The following RYR3 variants were observed in gnomAD, a reference collection of about 807,000 sequenced individuals.
The protein encoded by RYR3 is brain ryanodine receptor-calcium release channel.
A neutral mutation model predicts 584.3 loss-of-function variants in RYR3; 207 were observed. The observed-to-expected ratio is 0.35, with a 90% CI of 0.32 to 0.40. RYR3 has a LOEUF of 0.40. Ranked by LOEUF, RYR3 falls within the 10% of genes least tolerant of loss-of-function variation. The pLI is 1.00. For synonymous variants in RYR3, 2,416 were observed against 2,248.5 expected, an observed-to-expected ratio of 1.07 and a Z score of -2.11; for missense variants, 5,616 against 6,089.2, an observed-to-expected ratio of 0.92 and a Z score of 2.59.
chr15:33,465,743 A>AGGT (rs750819353), intron 1 of RYR3: 1 of 519,108 alleles, frequency 1.9e-6, no homozygotes, highest in Non-Finnish European at 3.8e-6. Context: ...TGGCTGAGCT[A>AGGT]GGTGGTGGTG....
chr15:33,504,380 T>C (rs923901382), intron 3 of RYR3, among the ~76,000 whole-genome samples: 2 of 152,306 alleles, frequency 1.3e-5, no homozygotes. Flanking sequence ...ATGGCTCACA[T>C]TCATTTTTAT....
At chr15:33,835,284 G>A (rs1453775722) in intron 87 of RYR3, among the ~76,000 whole-genome samples, 3 of 149,516 alleles carry the variant, frequency 2.0e-5, no homozygotes, top group Admixed American at 6.7e-5. Flanking sequence ...TTGCATGAAC[G>A]CAGCTTCCTT....
chr15:33,337,463 T>C (rs1421218524), intron 1 of RYR3, among the ~76,000 whole-genome samples: 2 of 152,108 alleles, frequency 1.3e-5, no homozygotes, highest in Non-Finnish European at 2.9e-5. Context: ...ACAGTGGATA[T>C]AGAAGAAACA....
chr15:33,471,312 C>T (rs897010847), intron 1 of RYR3, among the ~76,000 whole-genome samples: 5 of 152,140 alleles, frequency 3.3e-5, no homozygotes, highest in Non-Finnish European at 7.3e-5. Context: ...GTCACCAGAG[C>T]CCCAACCTAG....
intron 20 of RYR3, among the ~76,000 whole-genome samples, chr15:33,624,363 G>A (rs2060877319): frequency 1.3e-5 from 2 of 152,230 alleles, no homozygotes; most frequent in Admixed American, 6.5e-5. Flanking sequence ...AAAATGGACA[G>A]TATGCACCAG....
intron 19 of RYR3, among the ~76,000 whole-genome samples, chr15:33,617,398 T>TGA (rs1396411159): frequency 2.7e-5 from 4 of 149,388 alleles, no homozygotes; most frequent in African/African-American, 9.9e-5. Flanking sequence ...GGCGACAGAG[T>TGA]GAGACTCTGA....
At chr15:33,688,999 G>A (rs12437827) in intron 38 of RYR3, among the ~76,000 whole-genome samples, 24,003 of 152,008 alleles carry the variant, frequency 0.16, 2,338 homozygotes, top group Admixed American at 0.31. Context: ...TGATAGACTA[G>A]ATTAAGAAAA....
At chr15:33,705,498 C>T (rs963649076) in intron 42 of RYR3, among the ~76,000 whole-genome samples, 8 of 152,202 alleles carry the variant, frequency 5.3e-5, no homozygotes, top group Non-Finnish European at 1.0e-4. Flanking sequence ...CTCCTCTTCT[C>T]TGTGTATACA....
In RYR3 at chr15:33,865,929, C is replaced by CTGCTGT. The variant is rs1477753084; in HGVS notation, c.*705_*710dup. On this transcript the variant is annotated 3_prime_UTR_variant, in exon 104 of 104. Coordinates refer to ENST00000634891, the MANE Select transcript of RYR3 (RefSeq NM_001036.6). ...TTTTTTAGTAACAGCTGTCAGTCAA[C>CTGCTGT]TGCTGTTATTAGAAGAAAAGTACTG... is the stretch of plus-strand genomic sequence containing the variant. 1.3e-5 allele frequency: 2 copies of CTGCTGT among 152,628 alleles called. No individual in the cohort carries two copies. The highest frequency in any genetic ancestry group is 2.4e-5 in the African/African-American group (1 of 41,414). The allele number at this position is 152,628 out of a possible 1,614,324, so 9.5% of individuals were successfully genotyped here. A position where few individuals can be genotyped will look rare whatever the true frequency, so the allele number is the denominator to read the frequency against.
Position 33,321,237 on chromosome 15 carries a change from A to G in RYR3, c.51+10141A>G, listed in dbSNP as rs188068243. On this transcript the variant is annotated intron_variant, in intron 1 of 103. Transcript: ENST00000634891. Reference sequence around the variant, plus strand: ...ATTAACCTCTCTGGGAATTTACTGTATTTCTAATAACACAAGGTCATCCTG... The same window carrying G: ...ATTAACCTCTCTGGGAATTTACTGTGTTTCTAATAACACAAGGTCATCCTG... 3.9e-5 allele frequency among the ~76,000 whole-genome samples: 6 copies of G among 152,306 alleles called. No homozygotes were observed. The Middle Eastern group carries it at 0.01, about 259-fold the overall frequency.
intron 34 of RYR3, among the ~76,000 whole-genome samples, chr15:33,661,894 T>C (rs2063187175): frequency 6.6e-6 from 1 of 152,192 alleles, no homozygotes; most frequent in South Asian, 2.1e-4. Context: ...TTTCGGATTT[T>C]TTCCTAATAA....
intron 60 of RYR3, among the ~76,000 whole-genome samples, chr15:33,766,886 C>T (rs1019291368): frequency 6.6e-6 from 1 of 152,182 alleles, no homozygotes; most frequent in Non-Finnish European, 1.5e-5. Flanking sequence ...ACTCGGGGCC[C>T]TCATAACTCT....
At position 33,684,077 on chromosome 15, in the gene RYR3, G is replaced by A. The variant is rs149458901; in HGVS notation, c.5861-12141G>A. 8.5e-3 allele frequency among the ~76,000 whole-genome samples: 1,288 copies of A among 152,392 alleles called. 8 individuals carry two copies. Among genetic ancestry groups the A allele is most frequent in the Middle Eastern group, 0.044 (13 of 294 alleles). ...GCAGGGCATAGCTGAACAAAAGGCA[G>A]CAGACAACTTCTGCAGACTTAAATG... On this transcript the variant is annotated intron_variant, in intron 38 of 103. Coordinates refer to ENST00000634891, the MANE Select transcript of RYR3 (RefSeq NM_001036.6).
chr15:33,744,431 G>A (rs1596394478), intron 52 of RYR3, among the ~76,000 whole-genome samples: 1 of 152,112 alleles, frequency 6.6e-6, no homozygotes, highest in Admixed American at 6.5e-5. Context: ...ACCAGGCGGC[G>A]CTGATTATCT....
At chr15:33,848,652 A>G (rs1243417944) in intron 94 of RYR3, among the ~76,000 whole-genome samples, 1 of 152,154 alleles carries the variant, frequency 6.6e-6, no homozygotes, top group Admixed American at 6.5e-5. Context: ...AATATATTTG[A>G]TTTAGACCAG....
chr15:33,629,537 A>T (rs1160376633), intron 21 of RYR3, among the ~76,000 whole-genome samples: 3 of 152,218 alleles, frequency 2.0e-5, no homozygotes, highest in African/African-American at 7.2e-5. Context: ...AATGTGCTTC[A>T]CGTTTGTGGC....
In RYR3 at chr15:33,314,785, G is replaced by C. The variant is rs377136320; in HGVS notation, c.51+3689G>C. On this transcript the variant is annotated intron_variant, in intron 1 of 103. Coordinates refer to ENST00000634891, the MANE Select transcript of RYR3 (RefSeq NM_001036.6). ...AAAAATTAGCCGGGCGTGGTGGTGG[G>C]TGCCTGTAGTCCCAGCTGCTCGGGA... is the stretch of plus-strand genomic sequence containing the variant. 2.4e-3 allele frequency among the ~76,000 whole-genome samples: 362 copies of C among 152,222 alleles called. 2 individuals carry two copies. The highest frequency in any genetic ancestry group is 7.8e-3 in the African/African-American group (323 of 41,534).
Position 33,464,503 on chromosome 15 carries a change from T to TATATATATATATAC in RYR3, c.52-8915_52-8914insTATATATATATACA, listed in dbSNP as rs1180164194. Reference sequence around the variant, plus strand: ...ATATATATATATACACATATATATATACATACACATACACATATATGTACA... The same window carrying TATATATATATATAC: ...ATATATATATATACACATATATATATATATATATATATACACATACACATACACATATATGTACA... On this transcript the variant is annotated intron_variant, in intron 1 of 103. Coordinates refer to ENST00000634891, the MANE Select transcript of RYR3 (RefSeq NM_001036.6). Among the ~76,000 whole-genome samples the TATATATATATATAC allele has an allele frequency of 1.8e-3, 186 of 105,836 alleles. 10 individuals carry two copies. Among genetic ancestry groups the TATATATATATATAC allele is most frequent in the South Asian group, 3.3e-3 (11 of 3,300 alleles). The allele number at this position is 105,836 out of a possible 152,430, so 69.4% of individuals were successfully genotyped here. A position where few individuals can be genotyped will look rare whatever the true frequency, so the allele number is the denominator to read the frequency against.
chr15:33,407,198 A>G (rs1413251532), intron 1 of RYR3, among the ~76,000 whole-genome samples: 7 of 152,236 alleles, frequency 4.6e-5, no homozygotes, highest in African/African-American at 1.4e-4. Context: ...CTTAATCACT[A>G]TCTTAAAGGC....
Sources: gnomAD v4.1 joint callset for allele counts (sites outside exome capture counted in the v4.1 genomes callset) on GRCh38, gnomAD v4.1.1 for gene constraint, MANE v1.5 for transcripts, NCBI Gene and HGNC (gene_info 2026-07-23, HGNC 2026-07-21) for gene names.